The following MDC1 variants were observed in gnomAD, a reference collection of about 807,000 sequenced individuals.
The protein encoded by MDC1 is mediator of DNA damage checkpoint 1.
In MDC1, 81 loss-of-function variants were observed where a neutral mutation model predicts 142.5. The observed-to-expected ratio is 0.57, with a 90% CI of 0.47 to 0.68. The LOEUF (loss-of-function observed/expected upper bound fraction) is 0.68, where lower values mean the gene tolerates loss of function less well. Among genes scored for constraint, MDC1 ranks in the 30% least tolerant of loss-of-function variants. MDC1 has a pLI of 0.00. For synonymous variants in MDC1, 797 were observed against 968.4 expected (o/e 0.82, Z 3.29); for missense variants, 2,119 against 2,547.9 (o/e 0.83, Z 3.62).
rs1212972693 is a variant in MDC1, at chr6:30,716,654, A to C, written c.-4+591T>G. Among the ~76,000 whole-genome samples, 1 of 151,928 alleles carries C rather than the reference A, an allele frequency of 6.6e-6. No individual in the cohort carries two copies. The highest frequency in any genetic ancestry group is 2.4e-5 in the African/African-American group (1 of 41,342). On this transcript the variant is annotated intron_variant, in intron 1 of 14. Coordinates refer to ENST00000376406, the MANE Select transcript of MDC1 (RefSeq NM_014641.3). This position sits in a 1 kb window ranked among gnomAD's most constrained non-coding sequence, Gnocchi z 4.4. The stretch of plus-strand genomic sequence containing the variant: ...CGCTATATTGTAACCATTACTTTCC[A>C]TTTCTGCCTTCACACTCACCCACCT...
In MDC1 at chr6:30,704,523, G is replaced by A. The variant is rs140008669; in HGVS notation, c.4660C>T (p.Arg1554Trp). ...DQPVTPEPTSRATRGRTNRSS... is the reference protein window; with the variant it reads ...DQPVTPEPTSWATRGRTNRSS... Reference sequence around the variant, plus strand: ...CTATTTGTCCTGCCCCTAGTGGCCCGAGATGTGGGCTCAGGGGTGACAGGT... The same window carrying A: ...CTATTTGTCCTGCCCCTAGTGGCCCAAGATGTGGGCTCAGGGGTGACAGGT... The change falls in exon 10 of 15, where the codon CGG (arginine) becomes TGG (tryptophan). Residue 1554 changes from arginine to tryptophan, a missense_variant. By Grantham distance (101) the Arg-to-Trp change is moderately radical (BLOSUM62 -3). Transcript: ENST00000376406. The A allele has an allele frequency of 3.6e-4, 581 of 1,611,578 alleles. No homozygotes were observed. The highest frequency in any genetic ancestry group is 4.6e-4 in the Non-Finnish European group (546 of 1,178,946).
In MDC1 at chr6:30,713,224, C is replaced by G; in HGVS notation, c.718G>C (p.Gly240Arg). Residue 240 changes from glycine to arginine, a missense_variant, in exon 5 of 15, where the codon GGT becomes CGT. Transcript: ENST00000376406. This position sits in a 1 kb window ranked among gnomAD's most constrained non-coding sequence, Gnocchi z 4.9. Reference protein sequence around the residue: ...TEEASSAARRGATVEAKQSEA... With the variant: ...TEEASSAARRRATVEAKQSEA... Reference sequence around the variant, plus strand: ...GACTGCTTTGCCTCTACAGTGGCACCTCTTCTGGCAGCTGAGGAGGCCTCC... The same window carrying G: ...GACTGCTTTGCCTCTACAGTGGCACGTCTTCTGGCAGCTGAGGAGGCCTCC... 1 of 1,613,122 alleles carries G rather than the reference C, an allele frequency of 6.2e-7. No individual in the cohort carries two copies. The highest frequency in any genetic ancestry group is 1.1e-5 in the South Asian group (1 of 91,088).
At chr6:30,702,499 A>T in intron 14 of MDC1, 54 bp downstream of exon 14, 1 of 1,374,108 alleles carries the variant, frequency 7.3e-7, no homozygotes, top group Non-Finnish European at 9.8e-7. Flanking sequence ...CATTCCAGCC[A>T]CCTCTTTAAC....
At chr6:30,711,191 A>G (rs1260425878) in intron 7 of MDC1, among the ~76,000 whole-genome samples, 1 of 152,212 alleles carries the variant, frequency 6.6e-6, no homozygotes, top group Non-Finnish European at 1.5e-5. Flanking sequence ...CCTGGCCAAC[A>G]TGGTGAAACC....
chr6:30,702,518 C>T (rs1377768927), intron 14 of MDC1, 35 bp downstream of exon 14: 8 of 1,474,922 alleles, frequency 5.4e-6, no homozygotes, highest in Non-Finnish European at 6.4e-6. Context: ...ACTGCCACTG[C>T]CACCTCACCC....
Position 30,702,631 on chromosome 6 carries a change from C to A in MDC1, c.6024G>T (p.Gln2008His). The A allele has an allele frequency of 3.1e-6, 5 of 1,611,404 alleles. No individual in the cohort carries two copies. The South Asian group carries it at 5.5e-5, about 18-fold the overall frequency. ...TCTCTCCCATCTGAGGTGGTGGTGG[C>A]TGGACTCCAGGGGTCACATAGATCT... The part of the protein sequence containing the change: ...GYEIYVTPGV[Q>H]PPPPQMGEII... The change falls in exon 14 of 15, where the codon CAG becomes CAT. Residue 2008 changes from glutamine to histidine, a missense_variant. Coordinates refer to ENST00000376406, the MANE Select transcript of MDC1 (RefSeq NM_014641.3).
In MDC1 at chr6:30,712,350, G is replaced by C; in HGVS notation, c.1592C>G (p.Pro531Arg). The C allele has an allele frequency of 6.2e-7, 1 of 1,613,046 alleles. No homozygotes were observed. The highest frequency in any genetic ancestry group is 2.2e-5 in the East Asian group (1 of 44,882). Reference sequence around the variant, plus strand: ...CTTTATATGTATAATGGCTGACCCTGGCGGGACTTCCTTCTCCACTTGTGT... The same window carrying C: ...CTTTATATGTATAATGGCTGACCCTCGCGGGACTTCCTTCTCCACTTGTGT... ...INTQVEKEVP[P>R]GSAIIHIKKH... is the part of the protein sequence containing the mutation. Residue 531 changes from proline to arginine, a missense_variant, in exon 5 of 15, where the codon CCA becomes CGA. Physicochemically the swap from Pro to Arg is moderately radical, Grantham distance 103. Coordinates refer to ENST00000376406, the MANE Select transcript of MDC1 (RefSeq NM_014641.3). The surrounding 1 kb of genome is among the most constrained non-coding windows in gnomAD (Gnocchi z 4.7).
Position 30,713,126 on chromosome 6 carries a change from T to C in MDC1, c.816A>G (p.Thr272=). The part of the protein sequence containing the change: ...QPLVKERDND[T]KVKRGAGNGV... ...CATTCCCTGCACCCCTCTTGACTTT[T>C]GTATCATTGTCCCTCTCCTTCACTA... The change falls in exon 5 of 15, where the codon ACA becomes ACG. Residue 272 remains threonine (T), a synonymous_variant. Transcript: ENST00000376406. The surrounding 1 kb of genome is among the most constrained non-coding windows in gnomAD (Gnocchi z 4.9). The C allele has an allele frequency of 6.2e-7, 1 of 1,613,046 alleles. No individual in the cohort carries two copies. The highest frequency in any genetic ancestry group is 8.5e-7 in the Non-Finnish European group (1 of 1,179,952).
chr6:30,702,874 G>A lies in MDC1; in HGVS notation c.5869C>T (p.Arg1957Cys), dbSNP rs770859881. 4.3e-6 allele frequency: 7 copies of A among 1,613,060 alleles called. No homozygotes were observed. In the Admixed American group the frequency reaches 5.0e-5, roughly 12 times the overall value. Residue 1957 changes from arginine to cysteine, a missense_variant, in exon 13 of 15, where the codon CGC (arginine) becomes TGC (cysteine). By Grantham distance (180) the Arg-to-Cys change is radical (BLOSUM62 -3). Transcript: ENST00000376406. ...ILSLDWLHQS[R>C]KAGFFLPPDE... Reference sequence around the variant, plus strand: ...GGGGGTAAGAAGAAACCAGCCTTGCGGGACTAAGGACGGCAGCAGTCAGCA... The same window carrying A: ...GGGGGTAAGAAGAAACCAGCCTTGCAGGACTAAGGACGGCAGCAGTCAGCA...
Position 30,708,015 on chromosome 6 carries a change from C to T in MDC1, c.2564G>A (p.Gly855Glu). The change falls in exon 8 of 15, where the codon GGG becomes GAG. Residue 855 changes from glycine (G) to glutamate (E), a missense_variant. Gly to Glu is a moderately conservative substitution (Grantham distance 98). Coordinates refer to ENST00000376406, the MANE Select transcript of MDC1 (RefSeq NM_014641.3). ...DVTGEEELTK[G>E]KQDREQKQLL... ...CTGTTTTTGTTCTCTGTCCTGTTTC[C>T]CCTTGGTTAATTCTTCCTCTCCTGT... The T allele has an allele frequency of 1.2e-6, 2 of 1,612,962 alleles. No homozygotes were observed. Among genetic ancestry groups the T allele is most frequent in the Non-Finnish European group, 1.7e-6 (2 of 1,180,008 alleles).
chr6:30,707,359 A>G (rs1486850327), intron 9 of MDC1, 25 bp downstream of exon 9: 1 of 1,608,554 alleles, frequency 6.2e-7, no homozygotes, highest in South Asian at 1.1e-5. Context: ...CTTGTGGAAT[A>G]GGAGGTAGAA....
rs1332870677 is a variant in MDC1 at position 30,705,099 on chromosome 6, T to C, written c.4084A>G (p.Asn1362Asp). The change falls in exon 10 of 15, where the codon AAC (asparagine) becomes GAC (aspartate). Residue 1362 changes from asparagine to aspartate, a missense_variant. Coordinates refer to ENST00000376406, the MANE Select transcript of MDC1 (RefSeq NM_014641.3). The part of the protein sequence containing the change: ...RSRTNMSSVK[N>D]PESTVPIAPE... Reference sequence around the variant, plus strand: ...GCTATAGGGACAGTTGATTCAGGGTTCTTCACAGAGGACATATTTGTCCTG... The same window carrying C: ...GCTATAGGGACAGTTGATTCAGGGTCCTTCACAGAGGACATATTTGTCCTG... 1.2e-5 allele frequency: 19 copies of C among 1,612,222 alleles called. No homozygotes were observed. Among genetic ancestry groups the C allele is most frequent in the Non-Finnish European group, 1.6e-5 (19 of 1,179,694 alleles).
Position 30,707,564 on chromosome 6 carries a change from A to T in MDC1, c.3013+2T>A. 1 of 1,612,130 alleles carries T rather than the reference A, an allele frequency of 6.2e-7. No individual in the cohort carries two copies. Among genetic ancestry groups the T allele is most frequent in the Non-Finnish European group, 8.5e-7 (1 of 1,179,300 alleles). On this transcript the variant is annotated splice_donor_variant, in intron 8 of 14. Coordinates refer to ENST00000376406, the MANE Select transcript of MDC1 (RefSeq NM_014641.3). LOFTEE classifies it high-confidence loss of function. ...CTTGGGTTCCCCTCTGCCTTCACTT[A>T]CCTTTCTGATGCCTCCTGGGGCTCA...
At chr6:30,711,844 A>G (rs894184906) in intron 5 of MDC1, 30 bp downstream of exon 5, 9 of 1,543,082 alleles carry the variant, frequency 5.8e-6, no homozygotes, top group Non-Finnish European at 7.9e-6. Flanking sequence ...GGTTGATTTC[A>G]GAGGTCTAGG....
rs755288133 is a variant in MDC1 at position 30,704,398 on chromosome 6, C to T, written c.4785G>A (p.Arg1595=). 24 of 1,611,754 alleles carry T rather than the reference C, an allele frequency of 1.5e-5. No individual in the cohort carries two copies. Among genetic ancestry groups the T allele is most frequent in the Non-Finnish European group, 2.0e-5 (23 of 1,179,414 alleles). The change falls in exon 10 of 15, where the codon CGG becomes CGA. Residue 1595 remains arginine (R), a synonymous_variant. Transcript: ENST00000376406. ...NQLVTPEPTS[R]ATRCRTNRSS... The stretch of plus-strand genomic sequence containing the variant: ...ACCTATTTGTCCTGCACCTAGTGGC[C>T]CGAGATGTGGGCTCAGGGGTGACAA...
chr6:30,704,937 G>C lies in MDC1; in HGVS notation c.4246C>G (p.Pro1416Ala), dbSNP rs763031886. The stretch of plus-strand genomic sequence containing the variant: ...ACAGGTTGGTCTGTGGAAGTGGAAG[G>C]CTCGAGCTTAGGGGCTGTGGGGACA... ...TLVPTAPKLE[P>A]STSTDQPVTP... Residue 1416 changes from proline (P) to alanine (A), a missense_variant, in exon 10 of 15, where the codon CCT becomes GCT. Pro to Ala is a conservative substitution (Grantham distance 27). Coordinates refer to ENST00000376406, the MANE Select transcript of MDC1 (RefSeq NM_014641.3). 3.1e-6 allele frequency: 5 copies of C among 1,603,562 alleles called. No homozygotes were observed. The highest frequency in any genetic ancestry group is 2.2e-5 in the South Asian group (2 of 89,924).
rs1363830967 is a variant in MDC1 at position 30,699,812 on chromosome 6, C to T, written c.*653G>A. 1 of 212,300 alleles carries T rather than the reference C, an allele frequency of 4.7e-6. No individual in the cohort carries two copies. Among genetic ancestry groups the T allele is most frequent in the Non-Finnish European group, 9.5e-6 (1 of 105,252 alleles). 13.2% of individuals were successfully genotyped at this position (212,300 alleles called of 1,614,324 possible). On this transcript the variant is annotated 3_prime_UTR_variant, in exon 15 of 15. Transcript: ENST00000376406. ...TAAAAAACTACACTACACCATAAGG[C>T]ACAGAGTGAATATTTATTTATCACA...
At position 30,712,334 on chromosome 6, in the gene MDC1, T is replaced by C. The variant is rs58344693; in HGVS notation, c.1608A>G (p.Ile536Met). Residue 536 changes from isoleucine to methionine, a missense_variant, in exon 5 of 15, where the codon ATA becomes ATG. By Grantham distance (10) the Ile-to-Met change is conservative (BLOSUM62 1). Coordinates refer to ENST00000376406, the MANE Select transcript of MDC1 (RefSeq NM_014641.3). The surrounding 1 kb of genome is among the most constrained non-coding windows in gnomAD (Gnocchi z 4.7). ...EKEVPPGSAI[I>M]HIKKHQVSVE... ...CAGACACCTGATGCTTCTTTATATGTATAATGGCTGACCCTGGCGGGACTT... is the reference window on the plus strand; with the variant it reads ...CAGACACCTGATGCTTCTTTATATGCATAATGGCTGACCCTGGCGGGACTT... 8,831 of 1,613,100 alleles carry C rather than the reference T, an allele frequency of 5.5e-3. 71 individuals carry two copies. The highest frequency in any genetic ancestry group is 0.031 in the African/African-American group (2,328 of 75,056).
intron 2 of MDC1, 59 bp downstream of exon 2, chr6:30,714,981 T>C (rs1775461420): frequency 1.9e-6 from 3 of 1,591,004 alleles, no homozygotes; most frequent in Non-Finnish European, 2.6e-6. Flanking sequence ...ACCCTCCAAA[T>C]ACCTTACCAC....
Sources: gnomAD v4.1 joint callset for allele counts (sites outside exome capture counted in the v4.1 genomes callset) on GRCh38, gnomAD v4.1.1 for gene constraint, Gnocchi (gnomAD v3.1) non-coding constraint, MANE v1.5 for transcripts, NCBI Gene and HGNC (gene_info 2026-07-23, HGNC 2026-07-21) for gene names.